BAAT: variants seen among roughly 807,000 people sequenced by gnomAD.
The protein encoded by BAAT is bile acid-CoA:amino acid N-acyltransferase, also known as bile acid CoA: amino acid N-acyltransferase (glycine N-choloyltransferase).
Under a neutral mutation model 18.9 loss-of-function variants are expected in BAAT, and 13 were observed. The ratio of observed to expected loss-of-function variants is 0.69; its 90% CI spans 0.45 to 1.10. BAAT has a LOEUF of 1.10. Among genes scored for constraint, BAAT ranks in the 50% least tolerant of loss-of-function variants. The probability of loss-of-function intolerance (pLI) is 0.00; values close to 1 mark genes in which losing one functional copy is unlikely to be tolerated. For missense variants in BAAT, 489 were observed against 504.0 expected, an observed-to-expected ratio of 0.97 and a Z score of 0.28; for synonymous variants, 170 against 190.7, an observed-to-expected ratio of 0.89 and a Z score of 0.89.
At chr9:101,365,678 C>A (rs902051068) in intron 3 of BAAT, among the ~76,000 whole-genome samples, 1 of 151,938 alleles carries the variant, frequency 6.6e-6, no homozygotes, top group African/African-American at 2.4e-5. Context: ...GAACTACAGG[C>A]GCCCGCCACC....
rs1296663885 is a variant in BAAT at position 101,371,225 on chromosome 9, C to T, written c.180G>A (p.Leu60=). 3 of 1,613,404 alleles carry T rather than the reference C, an allele frequency of 1.9e-6. No homozygotes were observed. The highest frequency in any genetic ancestry group is 2.5e-6 in the Non-Finnish European group (3 of 1,179,544). The part of the protein sequence containing the change: ...YRANEFGEVD[L]NHASSLGGDY... ...CCCCTCCAAGTGAAGAAGCATGATT[C>T]AGGTCCACCTCACCGAATTCATTGG... Residue 60 remains leucine (L), a synonymous_variant, in exon 2 of 4, where the codon CTG becomes CTA. Transcript: ENST00000259407.
chr9:101,375,055 T>G (rs1208426135), intron 1 of BAAT, among the ~76,000 whole-genome samples: 6 of 152,122 alleles, frequency 3.9e-5, no homozygotes. Context: ...AATCCCCACA[T>G]GTTAAGGGCA....
chr9:101,362,597 A>T lies in BAAT; in HGVS notation c.1088T>A (p.Leu363Gln), dbSNP rs760621028. 6.2e-7 allele frequency: 1 copy of T among 1,614,038 alleles called. No individual in the cohort carries two copies. Among genetic ancestry groups the T allele is most frequent in the Admixed American group, 1.7e-5 (1 of 59,994 alleles). ...CAGAGGAGAATAGGGAGGTTCTATCAGGTGGCCTGCCCCAGGGTAAGATAG... is the reference window on the plus strand; with the variant it reads ...CAGAGGAGAATAGGGAGGTTCTATCTGGTGGCCTGCCCCAGGGTAAGATAG... ...TLLSYPGAGH[L>Q]IEPPYSPLCC... Residue 363 changes from leucine (L) to glutamine (Q), a missense_variant, in exon 4 of 4, where the codon CTG becomes CAG. Leu to Gln is a moderately radical substitution (Grantham distance 113). Transcript: ENST00000259407.
chr9:101,379,595 G>A (rs1830099919), intron 1 of BAAT, among the ~76,000 whole-genome samples: 1 of 152,300 alleles, frequency 6.6e-6, no homozygotes, highest in South Asian at 2.1e-4. Context: ...ATCCTTGGTA[G>A]AAATAGAGAA....
intron 1 of BAAT, among the ~76,000 whole-genome samples, chr9:101,379,168 T>C (rs1830093122): frequency 6.6e-6 from 1 of 152,224 alleles, no homozygotes. Context: ...TAGAAGACAG[T>C]ATGGTGATTC....
chr9:101,372,171 G>T lies in BAAT; in HGVS notation c.-59-708C>A, dbSNP rs1047749954. On this transcript the variant is annotated intron_variant, in intron 1 of 3. Transcript: ENST00000259407. ...CAAGAGGACAGAGAGAGGGATGGGGGCAAGGGCTGAAAAACTACCTATTGG... is the reference window on the plus strand; with the variant it reads ...CAAGAGGACAGAGAGAGGGATGGGGTCAAGGGCTGAAAAACTACCTATTGG... Among the ~76,000 whole-genome samples the T allele has an allele frequency of 5.3e-4, 81 of 152,006 alleles. 1 individual carries two copies. The highest frequency in any genetic ancestry group is 2.8e-4 in the Non-Finnish European group (19 of 67,988).
rs375861741 is a variant in BAAT, at chr9:101,362,383, G to A, written c.*45C>T. On this transcript the variant is annotated 3_prime_UTR_variant, in exon 4 of 4. Coordinates refer to ENST00000259407, the MANE Select transcript of BAAT (RefSeq NM_001701.4). ...GCCATGAAAATTGAGAGAAGGTCCC[G>A]GTAAAGAGATTTGCTTCTTTATTTT... 1.3e-5 allele frequency: 21 copies of A among 1,583,284 alleles called. No individual in the cohort carries two copies. Among genetic ancestry groups the A allele is most frequent in the African/African-American group, 1.1e-4 (8 of 74,392 alleles).
At chr9:101,382,726 A>G (rs1485411336) in intron 1 of BAAT, among the ~76,000 whole-genome samples, 2 of 152,130 alleles carry the variant, frequency 1.3e-5, no homozygotes. Context: ...ACCCATACAG[A>G]TTTGCCACCA....
In BAAT at chr9:101,362,525, T is replaced by C; in HGVS notation, c.1160A>G (p.Glu387Gly). The C allele has an allele frequency of 1.2e-6, 2 of 1,614,082 alleles. No homozygotes were observed. Among genetic ancestry groups the C allele is most frequent in the South Asian group, 1.1e-5 (1 of 91,072 alleles). ...CTGTGCAGCTGCGTGTGGGATCACC[T>C]CTCCTCCCCAGTGTAACCTCAAATC... ...THDLRLHWGG[E>G]VIPHAAAQEH... Residue 387 changes from glutamate to glycine, a missense_variant, in exon 4 of 4, where the codon GAG (glutamate) becomes GGG (glycine). Glu to Gly is a moderately conservative substitution (Grantham distance 98). Transcript: ENST00000259407.
rs1281804292 is a variant in BAAT at position 101,362,792 on chromosome 9, G to C, written c.893C>G (p.Thr298Ser). ...GGCCCCAACTTGAGTTGTCTCAAAAGTGCGATAGAGCTCTAGTAACCCCAA... is the reference window on the plus strand; with the variant it reads ...GGCCCCAACTTGAGTTGTCTCAAAACTGCGATAGAGCTCTAGTAACCCCAA... Reference protein sequence around the residue: ...NALGLLELYRTFETTQVGASQ... With the variant: ...NALGLLELYRSFETTQVGASQ... Residue 298 changes from threonine (T) to serine (S), a missense_variant, in exon 4 of 4, where the codon ACT becomes AGT. Transcript: ENST00000259407. 4 of 1,614,066 alleles carry C rather than the reference G, an allele frequency of 2.5e-6. No individual in the cohort carries two copies. The highest frequency in any genetic ancestry group is 3.4e-6 in the Non-Finnish European group (4 of 1,180,036).
Position 101,371,058 on chromosome 9 carries a change from T to C in BAAT, c.347A>G (p.Asn116Ser). The change falls in exon 2 of 4, where the codon AAT becomes AGT. Residue 116 changes from asparagine (N) to serine (S), a missense_variant. Coordinates refer to ENST00000259407, the MANE Select transcript of BAAT (RefSeq NM_001701.4). ...GGCCTTTGGAGCACTGGCAACTTTATTGTTCACTATTAACTCTAAGTCATA... is the reference window on the plus strand; with the variant it reads ...GGCCTTTGGAGCACTGGCAACTTTACTGTTCACTATTAACTCTAAGTCATA... ...KLYDLELIVN[N>S]KVASAPKASL... 1 of 1,614,096 alleles carries C rather than the reference T, an allele frequency of 6.2e-7. No individual in the cohort carries two copies. The highest frequency in any genetic ancestry group is 8.5e-7 in the Non-Finnish European group (1 of 1,180,000).
Position 101,371,189 on chromosome 9 carries a change from T to C in BAAT, c.216A>G (p.Gly72=). Residue 72 remains glycine, a synonymous_variant, in exon 2 of 4, where the codon GGA becomes GGG. Transcript: ENST00000259407. ...HASSLGGDYM[G]VHPMGLFWSL... ...ACCAGAAGAGACCCATGGGGTGGAC[T>C]CCCATATAATCCCCTCCAAGTGAAG... 1 of 1,614,118 alleles carries C rather than the reference T, an allele frequency of 6.2e-7. No homozygotes were observed. Among genetic ancestry groups the C allele is most frequent in the East Asian group, 2.2e-5 (1 of 44,870 alleles).
Position 101,368,219 on chromosome 9 carries a change from G to A in BAAT, c.570C>T (p.Ala190=), listed in dbSNP as rs2119021806. The change falls in exon 3 of 4, where the codon GCC becomes GCT. Residue 190 remains alanine, a synonymous_variant. Transcript: ENST00000259407. ...LLASRGFASL[A]LAYHNYEDLP... is the part of the protein sequence containing the mutation. ...GGTCTTCATAGTTATGGTAAGCCAA[G>A]GCCAAGGAGGCGAAGCCACGACTGG... 2.5e-6 allele frequency: 4 copies of A among 1,614,090 alleles called. No homozygotes were observed. Among genetic ancestry groups the A allele is most frequent in the Non-Finnish European group, 2.5e-6 (3 of 1,180,014 alleles).
intron 1 of BAAT, among the ~76,000 whole-genome samples, chr9:101,377,738 T>C (rs922294389): frequency 1.3e-5 from 2 of 152,118 alleles, no homozygotes; most frequent in Non-Finnish European, 2.9e-5. Context: ...CAACAAAGTA[T>C]TGGAAGTTCT....
At position 101,362,974 on chromosome 9, in the gene BAAT, T is replaced by C. The variant is rs369978470; in HGVS notation, c.711A>G (p.Gly237=). 2.9e-5 allele frequency: 46 copies of C among 1,613,900 alleles called. No individual in the cohort carries two copies. Among genetic ancestry groups the C allele is most frequent in the Non-Finnish European group, 8.5e-6 (10 of 1,179,980 alleles). The change falls in exon 4 of 4, where the codon GGA becomes GGG. Residue 237 remains glycine (G), a synonymous_variant. Coordinates refer to ENST00000259407, the MANE Select transcript of BAAT (RefSeq NM_001701.4). ...TAGCCATAGATAGTCCAATCTGTACTCCTTGACATACAGAGACTACCCCAA... is the reference window on the plus strand; with the variant it reads ...TAGCCATAGATAGTCCAATCTGTACCCCTTGACATACAGAGACTACCCCAA... ...SGVGVVSVCQ[G]VQIGLSMAIY...
chr9:101,370,461 C>G (rs1160240517), intron 2 of BAAT, among the ~76,000 whole-genome samples: 2 of 151,364 alleles, frequency 1.3e-5, no homozygotes, highest in East Asian at 2.0e-4. Flanking sequence ...ACTACAGGTG[C>G]CTGCTACCAC....
chr9:101,367,761 C>T (rs1470147219), intron 3 of BAAT, among the ~76,000 whole-genome samples: 13 of 152,164 alleles, frequency 8.5e-5, no homozygotes, highest in Admixed American at 8.5e-4. Context: ...GCTAGAATTA[C>T]AGGCTTGAGC....
In BAAT at chr9:101,371,099, C is replaced by G; in HGVS notation, c.306G>C (p.Gln102His). 6.2e-7 allele frequency: 1 copy of G among 1,614,050 alleles called. No homozygotes were observed. Among genetic ancestry groups the G allele is most frequent in the East Asian group, 2.2e-5 (1 of 44,854 alleles). The part of the protein sequence containing the change: ...LKRDVMNRPF[Q>H]VQVKLYDLEL... Reference sequence around the variant, plus strand: ...CTAAGTCATAAAGTTTTACTTGGACCTGGAAAGGCCTATTCATCACATCTC... The same window carrying G: ...CTAAGTCATAAAGTTTTACTTGGACGTGGAAAGGCCTATTCATCACATCTC... Residue 102 changes from glutamine to histidine, a missense_variant, in exon 2 of 4, where the codon CAG becomes CAC. Coordinates refer to ENST00000259407, the MANE Select transcript of BAAT (RefSeq NM_001701.4).
intron 1 of BAAT, among the ~76,000 whole-genome samples, chr9:101,378,487 C>G (rs1830082738): frequency 6.6e-6 from 1 of 152,182 alleles, no homozygotes; most frequent in South Asian, 2.1e-4. Context: ...GAAAGGATTC[C>G]CTATTTAATA....
Sources: allele counts gnomAD v4.1 joint callset (sites outside exome capture counted in the v4.1 genomes callset), GRCh38; gene constraint gnomAD v4.1.1; transcripts MANE v1.5; gene names NCBI Gene and HGNC (gene_info 2026-07-23, HGNC 2026-07-21).